PDE8A: variants seen among roughly 807,000 people sequenced by gnomAD.
PDE8A encodes the protein high affinity cAMP-specific and IBMX-insensitive 3',5'-cyclic phosphodiesterase 8A.
Under a neutral mutation model 105.0 loss-of-function variants are expected in PDE8A, and 59 were observed. The ratio of observed to expected loss-of-function variants is 0.56; its 90% CI spans 0.46 to 0.70. The LOEUF (loss-of-function observed/expected upper bound fraction) is 0.70. Ranked by LOEUF, PDE8A falls within the 30% of genes least tolerant of loss-of-function variation. PDE8A has a pLI of 0.00. For missense variants in PDE8A, 1,014 were observed against 1,045.9 expected, an observed-to-expected ratio of 0.97 and a Z score of 0.42; for synonymous variants, 355 against 371.9, an observed-to-expected ratio of 0.95 and a Z score of 0.52.
At chr15:84,981,122 C>T (rs2079699885), upstream of PDE8A, among the ~76,000 whole-genome samples, 1 of 152,240 alleles carries the variant, frequency 6.6e-6, no homozygotes, top group African/African-American at 2.4e-5. Flanking sequence ...CGCTAAGTTA[C>T]GGAGCCGGAA....
At chr15:85,128,754 T>C (rs1393470301) in intron 20 of PDE8A, among the ~76,000 whole-genome samples, 3 of 152,200 alleles carry the variant, frequency 2.0e-5, no homozygotes, top group Non-Finnish European at 4.4e-5. Flanking sequence ...GAAGCTATTA[T>C]GAAAAGCCAA....
At chr15:85,117,861 A>G (rs374203469) in intron 17 of PDE8A, 22 bp downstream of exon 17, 1 of 1,556,520 alleles carries the variant, frequency 6.4e-7, no homozygotes, top group Non-Finnish European at 8.9e-7. Flanking sequence ...TTTACCTGCC[A>G]CATTTAATGG....
Position 84,982,057 on chromosome 15 carries a change from C to A in PDE8A, c.-106C>A. 1.7e-6 allele frequency: 1 copy of A among 585,678 alleles called. No homozygotes were observed. The highest frequency in any genetic ancestry group is 2.4e-6 in the Non-Finnish European group (1 of 414,444). 36.3% of individuals were successfully genotyped at this position (585,678 alleles called of 1,614,324 possible). ...AGATCCGCGCTCGCCGCCGCCCGCC[C>A]AGGCGGCGATGACACGGCGCCCGCG... On this transcript the variant is annotated 5_prime_UTR_variant, in exon 1 of 22. Transcript: ENST00000394553.
chr15:85,089,517 A>C, intron 7 of PDE8A, 101 bp downstream of exon 7: 1 of 594,036 alleles, frequency 1.7e-6, no homozygotes, highest in East Asian at 2.9e-5. Context: ...TTCTTTTTGA[A>C]GTTTAGGAGA....
chr15:85,096,385 G>C (rs573918128), intron 8 of PDE8A, among the ~76,000 whole-genome samples: 24 of 152,226 alleles, frequency 1.6e-4, no homozygotes, highest in African/African-American at 5.5e-4. Context: ...CTTGAGCCTG[G>C]GAGGTTGAGG....
At chr15:85,110,041 A>G (rs112223394) in intron 12 of PDE8A, among the ~76,000 whole-genome samples, 2 of 152,170 alleles carry the variant, frequency 1.3e-5, no homozygotes, top group African/African-American at 4.8e-5. Flanking sequence ...CTTATCTGTA[A>G]AGTGGGGATA....
At chr15:85,134,892 A>C (rs2141658470) in intron 20 of PDE8A, among the ~76,000 whole-genome samples, 1 of 152,288 alleles carries the variant, frequency 6.6e-6, no homozygotes, top group African/African-American at 2.4e-5. Context: ...CAGGTGTAGT[A>C]AGGAAGATGG....
In PDE8A at chr15:85,079,541, C is replaced by T. The variant is rs553213240; in HGVS notation, c.546+2754C>T. On this transcript the variant is annotated intron_variant, in intron 5 of 21. Coordinates refer to ENST00000394553, the MANE Select transcript of PDE8A (RefSeq NM_002605.3). ...ACAAGAGGAAATAGGGAGTTTACAG[C>T]AACTTGATCAAATTGAGAAGCTGAA... Among the ~76,000 whole-genome samples, 40 of 152,290 alleles carry T rather than the reference C, an allele frequency of 2.6e-4. No individual in the cohort carries two copies. The South Asian group carries it at 8.1e-3, about 31-fold the overall frequency.
At chr15:85,034,548 T>G (rs1216440378) in intron 1 of PDE8A, among the ~76,000 whole-genome samples, 1 of 152,178 alleles carries the variant, frequency 6.6e-6, no homozygotes, top group African/African-American at 2.4e-5. Flanking sequence ...TGCTGTTCCC[T>G]CATCGTTAAT....
intron 12 of PDE8A, among the ~76,000 whole-genome samples, chr15:85,109,753 A>G (rs2081995389): frequency 6.6e-6 from 1 of 152,236 alleles, no homozygotes; most frequent in African/African-American, 2.4e-5. Context: ...TTCCAAGGTG[A>G]TATCAGCTAA....
intron 1 of PDE8A, among the ~76,000 whole-genome samples, chr15:85,038,926 A>C (rs948875983): frequency 6.6e-6 from 1 of 152,200 alleles, no homozygotes; most frequent in African/African-American, 2.4e-5. Context: ...GTTTGAGACC[A>C]GCCTGACCAA....
At position 85,097,519 on chromosome 15, in the gene PDE8A, C is replaced by T. The variant is rs550284842; in HGVS notation, c.853-429C>T. Among the ~76,000 whole-genome samples the T allele has an allele frequency of 1.2e-4, 19 of 152,238 alleles. No individual in the cohort carries two copies. In the East Asian group the frequency reaches 3.7e-3, roughly 29 times the overall value. The stretch of plus-strand genomic sequence containing the variant: ...CAGAAGGGCCTCAAGCCATTTAGTT[C>T]ACCTCAGAAGCCGGTAGTGGCCACA... On this transcript the variant is annotated intron_variant, in intron 8 of 21. Transcript: ENST00000394553.
chr15:85,042,018 A>T (rs1473002592), intron 1 of PDE8A, among the ~76,000 whole-genome samples: 1 of 152,218 alleles, frequency 6.6e-6, no homozygotes, highest in African/African-American at 2.4e-5. Flanking sequence ...GATTATTTGA[A>T]ATTTAGAATT....
intron 1 of PDE8A, among the ~76,000 whole-genome samples, chr15:85,021,700 C>G (rs2080429455): frequency 6.6e-6 from 1 of 152,204 alleles, no homozygotes; most frequent in Non-Finnish European, 1.5e-5. Context: ...TCATGTCTCT[C>G]TAGTCTTCAG....
chr15:84,994,960 C>A lies in PDE8A; in HGVS notation c.186+12612C>A, dbSNP rs547041394. On this transcript the variant is annotated intron_variant, in intron 1 of 21. Coordinates refer to ENST00000394553, the MANE Select transcript of PDE8A (RefSeq NM_002605.3). ...CTGGGCAACAAGGGCGAAACTCTGTCTCAAAAAAAAAAAAGAGAGAAAAAG... is the reference window on the plus strand; with the variant it reads ...CTGGGCAACAAGGGCGAAACTCTGTATCAAAAAAAAAAAAGAGAGAAAAAG... Among the ~76,000 whole-genome samples, 889 of 129,350 alleles carry A rather than the reference C, an allele frequency of 6.9e-3. 4 individuals carry two copies. The highest frequency in any genetic ancestry group is 8.6e-3 in the Non-Finnish European group (497 of 58,116). The allele number at this position is 129,350 out of a possible 152,430, so 84.9% of individuals were successfully genotyped here. A position where few individuals can be genotyped will look rare whatever the true frequency, so the allele number is the denominator to read the frequency against.
At chr15:85,121,806 C>G (rs957866168) in intron 18 of PDE8A, among the ~76,000 whole-genome samples, 4 of 152,186 alleles carry the variant, frequency 2.6e-5, no homozygotes, top group Non-Finnish European at 5.9e-5. Flanking sequence ...TCCTAGACAA[C>G]TACTGTGATC....
chr15:85,025,480 A>G (rs2080500945), intron 1 of PDE8A, among the ~76,000 whole-genome samples: 1 of 152,188 alleles, frequency 6.6e-6, no homozygotes, highest in Non-Finnish European at 1.5e-5. Flanking sequence ...GTAACTAGTG[A>G]CATTTAAAGA....
intron 5 of PDE8A, among the ~76,000 whole-genome samples, chr15:85,081,188 G>C (rs1280955781): frequency 6.6e-6 from 1 of 152,198 alleles, no homozygotes; most frequent in Non-Finnish European, 1.5e-5. Context: ...TGGTACAGGG[G>C]ATGGGGCATA....
intron 9 of PDE8A, 54 bp from the exon 10 acceptor site, chr15:85,099,961 A>T (rs894747335): frequency 1.1e-5 from 15 of 1,406,176 alleles, no homozygotes; most frequent in Non-Finnish European, 1.4e-5. Context: ...TTAACGACAT[A>T]TCCATCAAAT....
Sources: allele counts gnomAD v4.1 joint callset (sites outside exome capture counted in the v4.1 genomes callset), GRCh38; gene constraint gnomAD v4.1.1; transcripts MANE v1.5; gene names NCBI Gene and HGNC (gene_info 2026-07-23, HGNC 2026-07-21).